ANGPT2: variants seen among roughly 807,000 people sequenced by gnomAD.
ANGPT2 encodes angiopoietin-2.
Under a neutral mutation model 62.9 loss-of-function variants are expected in ANGPT2, and 28 were observed. The ratio of observed to expected loss-of-function variants is 0.44; its 90% CI spans 0.33 to 0.61. ANGPT2 has a LOEUF of 0.61. ANGPT2 is among the 20% of genes least tolerant of loss of function. ANGPT2 has a pLI of 0.03. For missense variants in ANGPT2, 727 were observed against 594.9 expected, an observed-to-expected ratio of 1.22 and a Z score of -2.31; for synonymous variants, 284 against 207.8, an observed-to-expected ratio of 1.37 and a Z score of -3.15.
In ANGPT2 at chr8:6,500,284, T is replaced by C; in HGVS notation, c.*2817A>G. On this transcript the variant is annotated 3_prime_UTR_variant, in exon 9 of 9. Transcript: ENST00000629816. ...GAAATAGAACTGATAGGTATAAAGATTATGGCTTGCTGGTGCTGTGATAAC... is the reference window on the plus strand; with the variant it reads ...GAAATAGAACTGATAGGTATAAAGACTATGGCTTGCTGGTGCTGTGATAAC... 4.5e-6 allele frequency: 1 copy of C among 224,394 alleles called. No individual in the cohort carries two copies. Among genetic ancestry groups the C allele is most frequent in the Non-Finnish European group, 9.0e-6 (1 of 111,288 alleles). The allele number at this position is 224,394 out of a possible 1,614,324, so 13.9% of individuals were successfully genotyped here. A position where few individuals can be genotyped will look rare whatever the true frequency, so the allele number is the denominator to read the frequency against.
chr8:6,514,683 A>G lies in ANGPT2; in HGVS notation c.1023T>C (p.Tyr341=), dbSNP rs1815892419. The part of the protein sequence containing the change: ...SVDFQRTWKE[Y]KVGFGNPSGE... ...CCTTAAAGAATGTCCTTACCACTTT[A>G]TATTCTTTCCAAGTCCTCTGAAAAT... The change falls in exon 6 of 9, where the codon TAT becomes TAC. Residue 341 remains tyrosine, a synonymous_variant. Transcript: ENST00000629816. 1.2e-6 allele frequency: 2 copies of G among 1,613,824 alleles called. No homozygotes were observed. Among genetic ancestry groups the G allele is most frequent in the Non-Finnish European group, 1.7e-6 (2 of 1,179,790 alleles).
chr8:6,535,100 C>A (rs1377181048), intron 1 of ANGPT2, among the ~76,000 whole-genome samples: 3 of 152,312 alleles, frequency 2.0e-5, no homozygotes, highest in African/African-American at 4.8e-5. Flanking sequence ...TAATAATTTA[C>A]AAAGTGGTAT....
chr8:6,529,657 G>A (rs1195684335), intron 2 of ANGPT2, among the ~76,000 whole-genome samples: 3 of 147,902 alleles, frequency 2.0e-5, no homozygotes, highest in Non-Finnish European at 3.0e-5. Flanking sequence ...TAGAGATGGG[G>A]TTTCACCATG....
In ANGPT2 at chr8:6,499,664, A is replaced by C; in HGVS notation, c.*3437T>G. ...TTATCGTGAGACTTTTTCTCAATCA[A>C]CTTTTTATTAATATTCATAACATTT... On this transcript the variant is annotated 3_prime_UTR_variant, in exon 9 of 9. Coordinates refer to ENST00000629816, the MANE Select transcript of ANGPT2 (RefSeq NM_001118887.2). The C allele has an allele frequency of 1.8e-6, 1 of 564,048 alleles. No homozygotes were observed. Among genetic ancestry groups the C allele is most frequent in the Non-Finnish European group, 3.2e-6 (1 of 316,558 alleles). 34.9% of individuals were successfully genotyped at this position (564,048 alleles called of 1,614,324 possible).
intron 1 of ANGPT2, among the ~76,000 whole-genome samples, chr8:6,557,036 G>T (rs1208232621): frequency 6.6e-6 from 1 of 152,182 alleles, no homozygotes; most frequent in African/African-American, 2.4e-5. Context: ...CCTAGGAGGG[G>T]TGGGCGGGGT....
At position 6,530,508 on chromosome 8, in the gene ANGPT2, CAAAAAAAAAA is replaced by C. The variant is rs55729820; in HGVS notation, c.444+1814_444+1823del. Among the ~76,000 whole-genome samples the C allele has an allele frequency of 1.7e-3, 166 of 98,042 alleles. 2 individuals are homozygous for C. Among genetic ancestry groups the C allele is most frequent in the African/African-American group, 5.8e-3 (160 of 27,480 alleles). The allele number at this position is 98,042 out of a possible 152,430, so 64.3% of individuals were successfully genotyped here. On this transcript the variant is annotated intron_variant, in intron 2 of 8. Transcript: ENST00000629816. ...TGGGCAATGCAGTGAGACTCTGTCT[CAAAAAAAAAA>C]AAAAAAAAAAAAAGTAATGGCAAAA...
At chr8:6,561,721 T>C (rs1825570805) in intron 1 of ANGPT2, among the ~76,000 whole-genome samples, 2 of 152,234 alleles carry the variant, frequency 1.3e-5, no homozygotes, top group African/African-American at 2.4e-5. Flanking sequence ...ATATAGTCCA[T>C]ATAAAGAAAA....
chr8:6,507,572 C>CTTTTTTTTTTT (rs35163014), intron 8 of ANGPT2: 22 of 104,804 alleles, frequency 2.1e-4, no homozygotes, highest in Middle Eastern at 7.0e-3. Context: ...ACTTTCTTTT[C>CTTTTTTTTTTT]TTTTTTTTTT....
intron 2 of ANGPT2, among the ~76,000 whole-genome samples, 155 bp downstream of exon 2, chr8:6,532,177 A>G (rs1016669293): frequency 3.9e-5 from 6 of 152,204 alleles, no homozygotes; most frequent in Non-Finnish European, 8.8e-5. Context: ...ATTCATAAGC[A>G]GCCATACATC....
chr8:6,522,714 C>T (rs112406452), intron 3 of ANGPT2, among the ~76,000 whole-genome samples: 2 of 150,908 alleles, frequency 1.3e-5, no homozygotes, highest in Non-Finnish European at 2.9e-5. Flanking sequence ...GTGGAGGTTG[C>T]AGTGAGCTGA....
In ANGPT2 at chr8:6,539,514, A is replaced by T. The variant is rs1250011167; in HGVS notation, c.289-7027T>A. On this transcript the variant is annotated intron_variant, in intron 1 of 8. Coordinates refer to ENST00000629816, the MANE Select transcript of ANGPT2 (RefSeq NM_001118887.2). ...CCTGACCACATGGACGCCTGCCCAC[A>T]TAGGGTCTTTTAAGCACTTCCTGAA... Among the ~76,000 whole-genome samples the T allele has an allele frequency of 2.0e-5, 3 of 152,130 alleles. No individual in the cohort carries two copies. In the East Asian group the frequency reaches 5.8e-4, roughly 29 times the overall value.
intron 1 of ANGPT2, among the ~76,000 whole-genome samples, chr8:6,555,635 T>C (rs996444530): frequency 6.6e-6 from 1 of 152,022 alleles, no homozygotes; most frequent in Admixed American, 6.6e-5. Context: ...GTGATTTTTA[T>C]ATTTTTTGGT....
At chr8:6,535,915 G>C (rs999193965) in intron 1 of ANGPT2, among the ~76,000 whole-genome samples, 1 of 151,686 alleles carries the variant, frequency 6.6e-6, no homozygotes, top group Admixed American at 6.6e-5. Context: ...AAATTAGCTT[G>C]GCCTGGTAGT....
rs913925252 is a variant in ANGPT2, at chr8:6,502,587, C to T, written c.*514G>A. The T allele has an allele frequency of 1.3e-5, 2 of 152,320 alleles. No individual in the cohort carries two copies. The highest frequency in any genetic ancestry group is 2.4e-5 in the African/African-American group (1 of 41,426). 9.4% of individuals were successfully genotyped at this position (152,320 alleles called of 1,614,324 possible). A position where few individuals can be genotyped will look rare whatever the true frequency, so the allele number is the denominator to read the frequency against. ...TCCAAATATTAAACTTCTAGTAACC[C>T]CTTCTCAGAATATCCCTGAATATGT... On this transcript the variant is annotated 3_prime_UTR_variant, in exon 9 of 9. Coordinates refer to ENST00000629816, the MANE Select transcript of ANGPT2 (RefSeq NM_001118887.2).
intron 1 of ANGPT2, among the ~76,000 whole-genome samples, chr8:6,533,816 C>A (rs1024555149): frequency 6.6e-6 from 1 of 152,016 alleles, no homozygotes; most frequent in South Asian, 2.1e-4. Context: ...GACATGATTT[C>A]CCCCAAAATG....
chr8:6,512,972 G>C (rs1228166454), intron 7 of ANGPT2, among the ~76,000 whole-genome samples: 1 of 152,180 alleles, frequency 6.6e-6, no homozygotes, highest in African/African-American at 2.4e-5. Context: ...ACTTCATAAA[G>C]ACAGACTAAC....
In ANGPT2 at chr8:6,500,304, G is replaced by T. The variant is rs1811901887; in HGVS notation, c.*2797C>A. The T allele has an allele frequency of 5.4e-6, 1 of 186,642 alleles. No homozygotes were observed. The highest frequency in any genetic ancestry group is 1.1e-5 in the Non-Finnish European group (1 of 88,684). The allele number at this position is 186,642 out of a possible 1,614,324, so 11.6% of individuals were successfully genotyped here. A position where few individuals can be genotyped will look rare whatever the true frequency, so the allele number is the denominator to read the frequency against. The stretch of plus-strand genomic sequence containing the variant: ...AAAGATTATGGCTTGCTGGTGCTGT[G>T]ATAACAGTATTTATATTTTTATGGC... On this transcript the variant is annotated 3_prime_UTR_variant, in exon 9 of 9. Transcript: ENST00000629816.
Position 6,519,995 on chromosome 8 carries a change from C to G in ANGPT2, c.800-4G>C. 1 of 1,612,214 alleles carries G rather than the reference C, an allele frequency of 6.2e-7. No individual in the cohort carries two copies. The highest frequency in any genetic ancestry group is 1.7e-5 in the Admixed American group (1 of 59,678). On this transcript the variant is annotated splice_polypyrimidine_tract_variant and splice_region_variant and intron_variant, in intron 4 of 8. Transcript: ENST00000629816. ...TTAGCAACAGTGGGGTCCTTAGCTG[C>G]TTTTAAAAAATAGTAAGGCATTTAA...
At position 6,503,150 on chromosome 8, in the gene ANGPT2, C is replaced by T. The variant is rs1309279784; in HGVS notation, c.1439G>A (p.Gly480Asp). ...CATGGTTGTGGCCTTGAGCGAATAG[C>T]CTGAGCCTTTCCAGTAGTACCATTT... is the stretch of plus-strand genomic sequence containing the variant. The part of the protein sequence containing the change: ...GIKWYYWKGS[G>D]YSLKATTMMI... Residue 480 changes from glycine to aspartate, a missense_variant, in exon 9 of 9, where the codon GGC becomes GAC. By Grantham distance (94) the Gly-to-Asp change is moderately conservative (BLOSUM62 -1). Transcript: ENST00000629816. The T allele has an allele frequency of 6.2e-7, 1 of 1,614,162 alleles. No homozygotes were observed. Among genetic ancestry groups the T allele is most frequent in the Middle Eastern group, 1.6e-4 (1 of 6,062 alleles).
Sources: gnomAD v4.1 joint callset for allele counts (sites outside exome capture counted in the v4.1 genomes callset) on GRCh38, gnomAD v4.1.1 for gene constraint, MANE v1.5 for transcripts, NCBI Gene and HGNC (gene_info 2026-07-23, HGNC 2026-07-21) for gene names.